Variants in SLC22A15 observed in about 807,000 individuals in gnomAD.
SLC22A15 encodes flipt 1.
In SLC22A15, 45 loss-of-function variants were observed where a neutral mutation model predicts 62.7. The observed-to-expected ratio is 0.72, with a 90% confidence interval of 0.56 to 0.92. The LOEUF (loss-of-function observed/expected upper bound fraction) is 0.92. SLC22A15 is among the 40% of genes least tolerant of loss of function. The pLI is 0.00. For missense variants in SLC22A15, 622 were observed against 665.6 expected, an observed-to-expected ratio of 0.93 and a Z score of 0.72; for synonymous variants, 264 against 267.0, an observed-to-expected ratio of 0.99 and a Z score of 0.11.
rs1177157642 is a variant in SLC22A15 at position 116,028,523 on chromosome 1, C to CTTTTTTTTTTTTTTT, written c.728+1512_728+1526dup. ...TCACTGGATGATCTGAGCTGTTCTG[C>CTTTTTTTTTTTTTTT]TTTTTTTTTTTTTTTTTTTTTTTTT... On this transcript the variant is annotated intron_variant, in intron 5 of 11. Transcript: ENST00000369503. Among the ~76,000 whole-genome samples the CTTTTTTTTTTTTTTT allele has an allele frequency of 2.4e-5, 2 of 84,066 alleles. 1 individual carries two copies. Among genetic ancestry groups the CTTTTTTTTTTTTTTT allele is most frequent in the African/African-American group, 9.4e-5 (2 of 21,296 alleles). 55.2% of individuals were successfully genotyped at this position (84,066 alleles called of 152,430 possible).
At chr1:116,050,352 A>T (rs1658018014) in intron 8 of SLC22A15, among the ~76,000 whole-genome samples, 1 of 152,208 alleles carries the variant, frequency 6.6e-6, no homozygotes, top group Non-Finnish European at 1.5e-5. Flanking sequence ...TTAACAAAAT[A>T]CTAGCTAACC....
chr1:116,034,898 A>C (rs1657575782), intron 6 of SLC22A15, among the ~76,000 whole-genome samples: 1 of 152,266 alleles, frequency 6.6e-6, no homozygotes, highest in Admixed American at 6.5e-5. Context: ...ATGCTTGCTG[A>C]AAGCACATGC....
chr1:116,031,991 A>G (rs1351405464), intron 6 of SLC22A15: 1 of 1,059,914 alleles, frequency 9.4e-7, no homozygotes, highest in East Asian at 8.5e-5. Flanking sequence ...GCAGTTTGCT[A>G]GCACATTCTG....
At chr1:116,043,718 A>G (rs1448498808) in intron 8 of SLC22A15, among the ~76,000 whole-genome samples, 1 of 152,174 alleles carries the variant, frequency 6.6e-6, no homozygotes, top group Non-Finnish European at 1.5e-5. Flanking sequence ...CCTCTAACCA[A>G]GATAATAAAG....
intron 7 of SLC22A15, among the ~76,000 whole-genome samples, chr1:116,035,739 A>G (rs1657609762): frequency 2.0e-5 from 3 of 152,246 alleles, no homozygotes; most frequent in East Asian, 1.9e-4. Flanking sequence ...TGAAGGAACT[A>G]GAAAGACTTT....
chr1:115,978,017 C>A (rs1654400136), intron 1 of SLC22A15, among the ~76,000 whole-genome samples: 1 of 152,262 alleles, frequency 6.6e-6, no homozygotes, highest in Non-Finnish European at 1.5e-5. Context: ...TTTAAACAAG[C>A]TTTCCCCAGG....
intron 8 of SLC22A15, among the ~76,000 whole-genome samples, chr1:116,055,126 T>C (rs2101546587): frequency 6.7e-6 from 1 of 148,986 alleles, no homozygotes; most frequent in East Asian, 2.0e-4. Context: ...GCTGGTTTTT[T>C]GAAAGGATCA....
At chr1:116,045,097 G>A (rs983105684) in intron 8 of SLC22A15, among the ~76,000 whole-genome samples, 1 of 152,100 alleles carries the variant, frequency 6.6e-6, no homozygotes, top group Non-Finnish European at 1.5e-5. Context: ...AGGCTGGAGT[G>A]CAGTGGCGTG....
chr1:116,035,800 CCTT>C (rs1282243932), intron 7 of SLC22A15, among the ~76,000 whole-genome samples: 1 of 152,150 alleles, frequency 6.6e-6, no homozygotes, highest in Non-Finnish European at 1.5e-5. Flanking sequence ...GAAGATAAAA[CCTT>C]CTTTTGCTAC....
intron 1 of SLC22A15, among the ~76,000 whole-genome samples, chr1:115,978,789 T>G (rs1654451461): frequency 6.6e-6 from 1 of 152,204 alleles, no homozygotes; most frequent in African/African-American, 2.4e-5. Flanking sequence ...CATTGCTCAG[T>G]TGTATCACAG....
intron 2 of SLC22A15, among the ~76,000 whole-genome samples, chr1:116,009,160 CTA>C (rs1337872269): frequency 4.6e-5 from 7 of 152,158 alleles, no homozygotes; most frequent in African/African-American, 1.7e-4. Flanking sequence ...ACAACATTCA[CTA>C]TGTCTCTCCT....
chr1:116,027,906 T>A (rs1310887854), intron 5 of SLC22A15, among the ~76,000 whole-genome samples: 2 of 152,228 alleles, frequency 1.3e-5, no homozygotes, highest in African/African-American at 4.8e-5. Flanking sequence ...ATTACAGGCG[T>A]GAGCCACCGC....
At position 116,069,025 on chromosome 1, in the gene SLC22A15, T is replaced by C. The variant is rs181998798; in HGVS notation, c.*1917T>C. The C allele has an allele frequency of 6.6e-6, 1 of 152,338 alleles. No individual in the cohort carries two copies. The highest frequency in any genetic ancestry group is 1.5e-5 in the Non-Finnish European group (1 of 68,044). 9.4% of individuals were successfully genotyped at this position (152,338 alleles called of 1,614,324 possible). ...CGAAAGAAAACCAGTGTTATGACTT[T>C]GTTCCATTTGAAGACTAATTGGGAG... On this transcript the variant is annotated 3_prime_UTR_variant, in exon 12 of 12. Coordinates refer to ENST00000369503, the MANE Select transcript of SLC22A15 (RefSeq NM_018420.3).
chr1:116,019,742 G>A (rs779998513), intron 3 of SLC22A15, 28 bp downstream of exon 3: 18 of 1,588,666 alleles, frequency 1.1e-5, no homozygotes, highest in Admixed American at 1.9e-5. Flanking sequence ...TCATAAACTG[G>A]ATGAGAGGGC....
intron 1 of SLC22A15, among the ~76,000 whole-genome samples, chr1:115,984,229 T>G (rs1286612028): frequency 1.3e-5 from 2 of 152,216 alleles, no homozygotes; most frequent in Admixed American, 6.5e-5. Context: ...GATATATTCT[T>G]TACTTTCCTG....
At chr1:116,011,101 G>C (rs1656230460) in intron 2 of SLC22A15, among the ~76,000 whole-genome samples, 1 of 152,202 alleles carries the variant, frequency 6.6e-6, no homozygotes, top group African/African-American at 2.4e-5. Flanking sequence ...GAAAAAGTCT[G>C]CCTTTTAGAA....
At chr1:116,029,083 A>T (rs1301559203) in intron 5 of SLC22A15, among the ~76,000 whole-genome samples, 2 of 152,182 alleles carry the variant, frequency 1.3e-5, no homozygotes, top group Non-Finnish European at 2.9e-5. Context: ...CATTTTCCCC[A>T]GTACCAAAGC....
intron 2 of SLC22A15, among the ~76,000 whole-genome samples, chr1:116,012,961 G>C (rs571288728): frequency 8.5e-5 from 13 of 152,298 alleles, no homozygotes; most frequent in Middle Eastern, 3.4e-3. Context: ...ATTCTCTACA[G>C]TGCTCTCCTG....
chr1:116,042,294 A>G (rs1476421775), intron 8 of SLC22A15, among the ~76,000 whole-genome samples: 1 of 151,856 alleles, frequency 6.6e-6, no homozygotes, highest in Non-Finnish European at 1.5e-5. Flanking sequence ...ATACAAGCAG[A>G]ATACAAGCAG....
Sources: gnomAD v4.1 joint callset for allele counts (sites outside exome capture counted in the v4.1 genomes callset) on GRCh38, gnomAD v4.1.1 for gene constraint, MANE v1.5 for transcripts, NCBI Gene and HGNC (gene_info 2026-07-23, HGNC 2026-07-21) for gene names.